LCK: variants seen among roughly 807,000 people sequenced by gnomAD.
LCK encodes the protein tyrosine-protein kinase Lck.
In LCK, 14 loss-of-function variants were observed where a neutral mutation model predicts 64.6. The ratio of observed to expected loss-of-function variants is 0.22; its 90% CI spans 0.14 to 0.34. The LOEUF (loss-of-function observed/expected upper bound fraction) is 0.34, where lower values mean the gene tolerates loss of function less well. Ranked by LOEUF, LCK falls within the 10% of genes least tolerant of loss-of-function variation. LCK has a pLI of 1.00. For missense variants in LCK, 434 were observed against 668.1 expected (o/e 0.65, Z 3.86); for synonymous variants, 277 against 263.6 (o/e 1.05, Z -0.49).
chr1:32,257,841 TC>T (rs1639666458), intron 1 of LCK, among the ~76,000 whole-genome samples: 1 of 152,098 alleles, frequency 6.6e-6, no homozygotes, highest in South Asian at 2.1e-4. Context: ...TTGCTCTATA[TC>T]CCTTATTTAT....
At chr1:32,274,672 GA>G in intron 2 of LCK, 64 bp from the exon 3 acceptor site, 1 of 1,326,676 alleles carries the variant, frequency 7.5e-7, no homozygotes, top group Non-Finnish European at 1.0e-6. Flanking sequence ...GAGCAGGGGG[GA>G]AGGGGGCCAG....
At chr1:32,270,250 CTTTTT>C (rs1195979098) in intron 1 of LCK, among the ~76,000 whole-genome samples, 3,911 of 126,632 alleles carry the variant, frequency 0.031, 71 homozygotes, top group Middle Eastern at 0.049. Flanking sequence ...GCCCAGCTAA[CTTTTT>C]TTTTTTTTTT....
At chr1:32,258,652 A>G (rs1296240740) in intron 1 of LCK, among the ~76,000 whole-genome samples, 1 of 126,602 alleles carries the variant, frequency 7.9e-6, no homozygotes, top group African/African-American at 3.7e-5. Flanking sequence ...AAAATACAAA[A>G]AATTAGCTAG....
chr1:32,262,868 G>GA (rs539749343), intron 1 of LCK, among the ~76,000 whole-genome samples: 7,386 of 85,486 alleles, frequency 0.086, 410 homozygotes, highest in East Asian at 0.31. Flanking sequence ...GAGGAAGGGA[G>GA]AAAAAAAAAA....
chr1:32,279,507 C>A, intron 9 of LCK, 164 bp from the exon 10 acceptor site: 3 of 1,403,564 alleles, frequency 2.1e-6, no homozygotes, highest in Admixed American at 2.2e-5. Flanking sequence ...AAAACCTTTA[C>A]ATATCCTGGG....
intron 1 of LCK, among the ~76,000 whole-genome samples, chr1:32,259,553 G>C (rs940921075): frequency 1.1e-4 from 17 of 151,676 alleles, no homozygotes; most frequent in Non-Finnish European, 1.9e-4. Flanking sequence ...CTGGGAGGCA[G>C]AGGTTGCAGT....
At chr1:32,273,433 T>C (rs72888211) in intron 1 of LCK, among the ~76,000 whole-genome samples, 5,471 of 151,718 alleles carry the variant, frequency 0.036, 327 homozygotes, top group African/African-American at 0.13. Context: ...AGTGTGTGTG[T>C]GGCAGAATAG....
chr1:32,275,708 GC>G lies in LCK; in HGVS notation c.481+40del. ...GGCGGTCTCGACCGGGCGCGGGGGT[GC>G]CCCGGGGTGTGCCCGAGGGGGGGCG... On this transcript the variant is annotated intron_variant, in intron 6 of 12. Coordinates refer to ENST00000336890, the MANE Select transcript of LCK (RefSeq NM_005356.5). This position sits in a 1 kb window ranked among gnomAD's most constrained non-coding sequence, Gnocchi z 6.9. The G allele has an allele frequency of 6.6e-7, 1 of 1,524,058 alleles. No homozygotes were observed. The highest frequency in any genetic ancestry group is 1.4e-5 in the African/African-American group (1 of 72,888). 94.4% of individuals were successfully genotyped at this position (1,524,058 alleles called of 1,614,324 possible).
intron 1 of LCK, among the ~76,000 whole-genome samples, chr1:32,266,270 A>T (rs1380706860): frequency 6.6e-6 from 1 of 151,690 alleles, no homozygotes; most frequent in Admixed American, 6.6e-5. Context: ...AGGCGGGCAA[A>T]TCACAAGGTC....
chr1:32,281,370 G>A (rs1640454116), intron 12 of LCK, among the ~76,000 whole-genome samples: 2 of 151,448 alleles, frequency 1.3e-5, no homozygotes, highest in Admixed American at 1.3e-4. Context: ...TGAGGTGGGA[G>A]GATCATTTGA....
At chr1:32,256,203 A>G (rs1017532265) in intron 1 of LCK, among the ~76,000 whole-genome samples, 3 of 152,078 alleles carry the variant, frequency 2.0e-5, no homozygotes, top group Non-Finnish European at 2.9e-5. Flanking sequence ...CAGTGGCACT[A>G]TCTCAGCTCA....
intron 1 of LCK, among the ~76,000 whole-genome samples, chr1:32,259,806 G>C (rs568039038): frequency 2.0e-5 from 3 of 151,876 alleles, no homozygotes; most frequent in Non-Finnish European, 2.9e-5. Flanking sequence ...AAGAGAGCAA[G>C]AGGGCAAGAC....
chr1:32,254,137 T>A (rs1639573784), intron 1 of LCK, among the ~76,000 whole-genome samples: 1 of 152,094 alleles, frequency 6.6e-6, no homozygotes, highest in Non-Finnish European at 1.5e-5. Context: ...GATTTTAAAG[T>A]ATCTGGAGCT....
intron 1 of LCK, among the ~76,000 whole-genome samples, chr1:32,260,681 G>A (rs1439167644): frequency 6.6e-6 from 1 of 152,126 alleles, no homozygotes; most frequent in Non-Finnish European, 1.5e-5. Flanking sequence ...AGAGTACAGT[G>A]GTATGATATT....
chr1:32,280,244 G>A (rs1372296822), intron 12 of LCK, 34 bp downstream of exon 12: 2 of 1,612,224 alleles, frequency 1.2e-6, no homozygotes, highest in East Asian at 4.5e-5. Flanking sequence ...AAAGGGTGAT[G>A]GGAAGGGCAA....
chr1:32,266,996 T>C (rs1639943501), intron 1 of LCK, among the ~76,000 whole-genome samples: 1 of 150,910 alleles, frequency 6.6e-6, no homozygotes, highest in African/African-American at 2.4e-5. Flanking sequence ...TTCCATCTGA[T>C]GTTGGTATTC....
intron 1 of LCK, among the ~76,000 whole-genome samples, chr1:32,270,365 A>G (rs1462561537): frequency 6.6e-6 from 1 of 150,904 alleles, no homozygotes; most frequent in East Asian, 1.9e-4. Context: ...TGGCCTCCCA[A>G]AGTGCTGGGA....
intron 2 of LCK, 135 bp downstream of exon 2, chr1:32,274,569 C>A: frequency 1.1e-6 from 1 of 900,354 alleles, no homozygotes; most frequent in Non-Finnish European, 1.7e-6. Context: ...GGAAAAGAGG[C>A]CCAGAGAGGG....
intron 1 of LCK, among the ~76,000 whole-genome samples, chr1:32,262,040 C>T (rs139848164): frequency 0.021 from 3,110 of 148,442 alleles, 134 homozygotes; most frequent in African/African-American, 0.072. Context: ...CGTGCCACCA[C>T]ACCCAGATAA....
Sources: gnomAD v4.1 joint callset for allele counts (sites outside exome capture counted in the v4.1 genomes callset) on GRCh38, gnomAD v4.1.1 for gene constraint, Gnocchi (gnomAD v3.1) non-coding constraint, MANE v1.5 for transcripts, NCBI Gene and HGNC (gene_info 2026-07-23, HGNC 2026-07-21) for gene names.